The following DLEC1 variants were observed in gnomAD, a reference collection of about 807,000 sequenced individuals.
DLEC1 encodes DLEC1 cilia and flagella associated protein, also known as deleted in lung and esophageal cancer protein 1.
Under a neutral mutation model 198.1 loss-of-function variants are expected in DLEC1, and 146 were observed. The observed-to-expected ratio is 0.74, with a 90% confidence interval of 0.64 to 0.85. The LOEUF (loss-of-function observed/expected upper bound fraction) is 0.85. DLEC1 is among the 40% of genes least tolerant of loss of function. The pLI, the probability that DLEC1 is intolerant of heterozygous loss-of-function variation, is 0.00. For missense variants in DLEC1, 2,233 were observed against 2,220.0 expected (o/e 1.01, Z -0.12); for synonymous variants, 897 against 866.8 (o/e 1.03, Z -0.61).
chr3:38,109,536 C>T lies in DLEC1; in HGVS notation c.3234C>T (p.Thr1078=), dbSNP rs1418220209. ...GKPQGLQVAI[T]ISKESSDCST... ...CCCAGGGACTGCAAGTGGCCATTAC[C>T]ATCTCTAAGGAGAGCTCTGATTGCA... is the stretch of plus-strand genomic sequence containing the variant. Residue 1078 remains threonine (T), a synonymous_variant, in exon 22 of 37, where the codon ACC becomes ACT. Transcript: ENST00000308059. The T allele has an allele frequency of 3.1e-6, 5 of 1,614,212 alleles. No individual in the cohort carries two copies. Among genetic ancestry groups the T allele is most frequent in the Non-Finnish European group, 4.2e-6 (5 of 1,180,032 alleles).
chr3:38,070,608 A>G (rs1167150985), intron 6 of DLEC1, among the ~76,000 whole-genome samples: 1 of 152,114 alleles, frequency 6.6e-6, no homozygotes, highest in Non-Finnish European at 1.5e-5. Flanking sequence ...GTGAAAAGAG[A>G]TGGGGTGGGT....
At chr3:38,086,442 G>A in intron 9 of DLEC1, 65 bp downstream of exon 9, 1 of 1,549,430 alleles carries the variant, frequency 6.5e-7, no homozygotes, top group South Asian at 1.3e-5. Context: ...ACCCCCAGAG[G>A]AACTTACTAG....
At chr3:38,046,354 G>C (rs1024834681) in intron 2 of DLEC1, among the ~76,000 whole-genome samples, 1 of 152,126 alleles carries the variant, frequency 6.6e-6, no homozygotes, top group African/African-American at 2.4e-5. Flanking sequence ...CCTGGTGGAA[G>C]GTATTGAATC....
chr3:38,059,903 G>A (rs1158786692), intron 3 of DLEC1, 51 bp downstream of exon 3: 1 of 1,513,844 alleles, frequency 6.6e-7, no homozygotes, highest in South Asian at 1.2e-5. Flanking sequence ...GGGAAGTTCA[G>A]TAGGGCCACG....
chr3:38,101,036 G>A (rs1411022813), intron 19 of DLEC1, among the ~76,000 whole-genome samples: 1 of 151,998 alleles, frequency 6.6e-6, no homozygotes, highest in Non-Finnish European at 1.5e-5. Flanking sequence ...AAAACAGAAA[G>A]AATAGTATAA....
chr3:38,119,578 C>G (rs1385907889), intron 33 of DLEC1, among the ~76,000 whole-genome samples: 1 of 151,668 alleles, frequency 6.6e-6, no homozygotes, highest in African/African-American at 2.4e-5. Context: ...CTTGCTGTGT[C>G]ACCTAGGCCG....
intron 6 of DLEC1, among the ~76,000 whole-genome samples, chr3:38,066,096 T>C (rs1433092000): frequency 1.3e-5 from 2 of 152,250 alleles, no homozygotes; most frequent in Admixed American, 6.5e-5. Context: ...TATTTCTTAT[T>C]GCAATCCATC....
At chr3:38,052,355 A>C (rs1411297038) in intron 2 of DLEC1, 1 of 330,256 alleles carries the variant, frequency 3.0e-6, no homozygotes, top group African/African-American at 2.2e-5. Flanking sequence ...TATGAGAATG[A>C]CTGCATCTTT....
Position 38,122,272 on chromosome 3 carries a change from C to T in DLEC1, c.5145-17C>T, listed in dbSNP as rs374427151. ...CCCAGGTGCCTCCTAACCTCAGCCCCCACATGCTCCCCACAGGAGTAGTGA... is the reference window on the plus strand; with the variant it reads ...CCCAGGTGCCTCCTAACCTCAGCCCTCACATGCTCCCCACAGGAGTAGTGA... On this transcript the variant is annotated splice_polypyrimidine_tract_variant and intron_variant, in intron 36 of 36. Transcript: ENST00000308059. 33 of 1,608,268 alleles carry T rather than the reference C, an allele frequency of 2.1e-5. No homozygotes were observed. The highest frequency in any genetic ancestry group is 1.7e-4 in the Middle Eastern group (1 of 6,056).
chr3:38,085,524 T>A, intron 8 of DLEC1, 77 bp downstream of exon 8: 1 of 1,548,264 alleles, frequency 6.5e-7, no homozygotes, highest in Non-Finnish European at 8.8e-7. Context: ...CCTCTCAGGT[T>A]CCCTTTGTAT....
At chr3:38,110,437 T>C (rs988518466) in intron 23 of DLEC1, among the ~76,000 whole-genome samples, 156 bp downstream of exon 23, 4 of 151,988 alleles carry the variant, frequency 2.6e-5, no homozygotes, top group African/African-American at 7.3e-5. Flanking sequence ...AGAGAGGAAA[T>C]GGCTCCTGCT....
At chr3:38,082,364 CAG>C (rs1698090249) in intron 6 of DLEC1, among the ~76,000 whole-genome samples, 1 of 148,502 alleles carries the variant, frequency 6.7e-6, no homozygotes, top group Admixed American at 6.7e-5. Context: ...GGCGGCCAGG[CAG>C]AGACACTCCT....
rs1380982876 is a variant in DLEC1, at chr3:38,088,511, C to T, written c.1665+123C>T. On this transcript the variant is annotated intron_variant, in intron 10 of 36. Transcript: ENST00000308059. Reference sequence around the variant, plus strand: ...ACAGCCTTAGTGACTTCTGGGTAGACGCATATTCTTGCATTCTGTAGGGTG... The same window carrying T: ...ACAGCCTTAGTGACTTCTGGGTAGATGCATATTCTTGCATTCTGTAGGGTG... The T allele has an allele frequency of 5.6e-5, 48 of 857,216 alleles. 2 individuals are homozygous for T. The South Asian group carries it at 6.9e-4, about 12-fold the overall frequency. The allele number at this position is 857,216 out of a possible 1,614,324, so 53.1% of individuals were successfully genotyped here.
intron 6 of DLEC1, among the ~76,000 whole-genome samples, chr3:38,072,706 A>C (rs992091234): frequency 6.6e-6 from 1 of 152,186 alleles, no homozygotes; most frequent in African/African-American, 2.4e-5. Flanking sequence ...CCTAGGAAGG[A>C]AAGGAGTTGT....
Position 38,039,244 on chromosome 3 carries a change from A to C in DLEC1, c.19A>C (p.Lys7Gln). The change falls in exon 1 of 37, where the codon AAA (lysine) becomes CAA (glutamine). Residue 7 changes from lysine to glutamine, a missense_variant. Coordinates refer to ENST00000308059, the MANE Select transcript of DLEC1 (RefSeq NM_007335.4). ...GGTTGCCATGGAGACCAGGAGCTCCAAAACGCGGAGGTCTTTAGCGTCCCG... is the reference window on the plus strand; with the variant it reads ...GGTTGCCATGGAGACCAGGAGCTCCCAAACGCGGAGGTCTTTAGCGTCCCG... METRSS[K>Q]TRRSLASRTN... The C allele has an allele frequency of 6.2e-7, 1 of 1,607,122 alleles. No homozygotes were observed. Among genetic ancestry groups the C allele is most frequent in the South Asian group, 1.1e-5 (1 of 90,652 alleles).
chr3:38,042,747 G>A (rs1700716516), intron 1 of DLEC1, among the ~76,000 whole-genome samples: 1 of 152,028 alleles, frequency 6.6e-6, no homozygotes, highest in Admixed American at 6.6e-5. Flanking sequence ...AGTAAAGACA[G>A]GGTTTCACTA....
intron 11 of DLEC1, among the ~76,000 whole-genome samples, chr3:38,093,229 G>A (rs1698833033): frequency 6.6e-6 from 1 of 152,140 alleles, no homozygotes; most frequent in Non-Finnish European, 1.5e-5. Flanking sequence ...GCCACCTCTA[G>A]ATTTCTGCAG....
Position 38,095,902 on chromosome 3 carries a change from C to A in DLEC1, c.2127C>A (p.His709Gln). ...SFSPHELRDF[H>Q]SVLQMVLEEV... is the part of the protein sequence containing the mutation. ...TTGCCTTGCAGCTGAGGGATTTTCACAGTGTGCTCCAGATGGTGCTAGAGG... is the reference window on the plus strand; with the variant it reads ...TTGCCTTGCAGCTGAGGGATTTTCAAAGTGTGCTCCAGATGGTGCTAGAGG... Residue 709 changes from histidine (H) to glutamine (Q), a missense_variant, in exon 14 of 37, where the codon CAC becomes CAA. Physicochemically the swap from His to Gln is conservative, Grantham distance 24. Transcript: ENST00000308059. 1 of 1,613,890 alleles carries A rather than the reference C, an allele frequency of 6.2e-7. No homozygotes were observed. The highest frequency in any genetic ancestry group is 8.5e-7 in the Non-Finnish European group (1 of 1,179,996).
chr3:38,082,541 G>C (rs1698105902), intron 6 of DLEC1, among the ~76,000 whole-genome samples: 1 of 152,206 alleles, frequency 6.6e-6, no homozygotes, highest in African/African-American at 2.4e-5. Context: ...ACGGAAATAA[G>C]GGATTGGGGC....
Sources: allele counts gnomAD v4.1 joint callset (sites outside exome capture counted in the v4.1 genomes callset), GRCh38; gene constraint gnomAD v4.1.1; transcripts MANE v1.5; gene names NCBI Gene and HGNC (gene_info 2026-07-23, HGNC 2026-07-21).